LRRTM4: variants seen among roughly 807,000 people sequenced by gnomAD.
The protein encoded by LRRTM4 is leucine rich repeat transmembrane neuronal 4, also known as leucine-rich repeat transmembrane neuronal protein 4.
Under a neutral mutation model 47.6 loss-of-function variants are expected in LRRTM4, and 25 were observed. The observed-to-expected ratio is 0.53, with a 90% CI of 0.38 to 0.73. LRRTM4 has a LOEUF of 0.73. Among genes scored for constraint, LRRTM4 ranks in the 30% least tolerant of loss-of-function variants. The pLI is 0.00. For missense variants in LRRTM4, 638 were observed against 713.4 expected (o/e 0.89, Z 1.20); for synonymous variants, 311 against 269.5 (o/e 1.15, Z -1.51).
intron 3 of LRRTM4, among the ~76,000 whole-genome samples, chr2:77,158,533 T>C (rs1036925796): frequency 2.0e-5 from 3 of 152,198 alleles, no homozygotes; most frequent in African/African-American, 7.2e-5. Flanking sequence ...GCCTATTTTT[T>C]TACCTTTTTT....
intron 3 of LRRTM4, among the ~76,000 whole-genome samples, chr2:77,428,177 C>T (rs777542897): frequency 3.3e-5 from 5 of 152,178 alleles, no homozygotes; most frequent in Non-Finnish European, 7.3e-5. Flanking sequence ...GAGGCCTCTT[C>T]AGCCATGGGG....
intron 3 of LRRTM4, among the ~76,000 whole-genome samples, chr2:77,475,858 C>A (rs1677367086): frequency 6.6e-6 from 1 of 151,798 alleles, no homozygotes; most frequent in Non-Finnish European, 1.5e-5. Flanking sequence ...ATTTATATTT[C>A]TTTTTTCCCT....
chr2:77,022,647 C>A (rs1354605141), intron 3 of LRRTM4, among the ~76,000 whole-genome samples: 1 of 152,172 alleles, frequency 6.6e-6, no homozygotes, highest in African/African-American at 2.4e-5. Context: ...AGTTTGAAAT[C>A]CAGCAGGGCA....
intron 3 of LRRTM4, among the ~76,000 whole-genome samples, chr2:77,431,117 CTG>C (rs2103905469): frequency 1.3e-5 from 2 of 149,150 alleles, no homozygotes; most frequent in East Asian, 3.9e-4. Context: ...TCCAAGACAG[CTG>C]TAGTGAGACT....
intron 3 of LRRTM4, among the ~76,000 whole-genome samples, chr2:76,851,221 C>T (rs914570104): frequency 6.6e-6 from 1 of 152,182 alleles, no homozygotes; most frequent in African/African-American, 2.4e-5. Context: ...GAGCTCAAGG[C>T]TCACAGCATC....
At chr2:76,868,539 G>A (rs1672529870) in intron 3 of LRRTM4, among the ~76,000 whole-genome samples, 1 of 152,028 alleles carries the variant, frequency 6.6e-6, no homozygotes, top group Admixed American at 6.6e-5. Context: ...AATTTAACGG[G>A]GCTATTTTAG....
intron 3 of LRRTM4, among the ~76,000 whole-genome samples, chr2:76,913,736 G>A (rs1474386605): frequency 2.6e-5 from 4 of 151,720 alleles, no homozygotes; most frequent in African/African-American, 4.8e-5. Flanking sequence ...ATAGGGTTTC[G>A]CCATGTTGGT....
At chr2:76,861,805 C>T (rs1672321198) in intron 3 of LRRTM4, among the ~76,000 whole-genome samples, 2 of 152,142 alleles carry the variant, frequency 1.3e-5, no homozygotes, top group Admixed American at 6.6e-5. Flanking sequence ...CATTGAATTT[C>T]CCATGACATA....
chr2:76,891,312 A>G (rs1673247531), intron 3 of LRRTM4, among the ~76,000 whole-genome samples: 1 of 151,914 alleles, frequency 6.6e-6, no homozygotes, highest in African/African-American at 2.4e-5. Context: ...AAAAAGAATT[A>G]CCTGTTGTTA....
chr2:77,495,351 T>C (rs1037594602), intron 3 of LRRTM4, among the ~76,000 whole-genome samples: 7 of 152,086 alleles, frequency 4.6e-5, no homozygotes, highest in African/African-American at 1.7e-4. Flanking sequence ...CCATGGCTTA[T>C]ATTTTTATTT....
intron 3 of LRRTM4, among the ~76,000 whole-genome samples, chr2:77,429,925 G>A (rs1032702846): frequency 6.6e-6 from 1 of 152,066 alleles, no homozygotes; most frequent in African/African-American, 2.4e-5. Context: ...AATTAGCCAG[G>A]CATGGTGGCA....
At chr2:76,844,639 A>C (rs1334467854) in intron 3 of LRRTM4, among the ~76,000 whole-genome samples, 1 of 152,182 alleles carries the variant, frequency 6.6e-6, no homozygotes, top group African/African-American at 2.4e-5. Context: ...TCCAGTAATG[A>C]AATTTAAAAC....
chr2:77,264,495 G>T (rs1311966794), intron 3 of LRRTM4, among the ~76,000 whole-genome samples: 1 of 152,004 alleles, frequency 6.6e-6, no homozygotes, highest in Admixed American at 6.6e-5. Flanking sequence ...GGGGGTTAGG[G>T]CTTCAACTTA....
In LRRTM4 at chr2:76,764,513, C is replaced by A. The variant is rs191329675; in HGVS notation, c.1552-15597G>T. 1.2e-3 allele frequency among the ~76,000 whole-genome samples: 184 copies of A among 152,180 alleles called. 1 individual carries two copies. The highest frequency in any genetic ancestry group is 4.7e-3 in the East Asian group (24 of 5,160). On this transcript the variant is annotated intron_variant, in intron 3 of 3. Coordinates refer to ENST00000409884, the MANE Select transcript of LRRTM4 (RefSeq NM_001134745.3). ...GGGCGTGGTGGCGGGCGCCTATAGT[C>A]CCAGCTACTCCGGAGGCTGAGGCAG...
intron 3 of LRRTM4, among the ~76,000 whole-genome samples, chr2:76,858,656 A>G (rs369580861): frequency 2.8e-3 from 434 of 152,314 alleles, no homozygotes; most frequent in African/African-American, 1.0e-2. Context: ...AGTAATAAAT[A>G]GATATTTTAC....
chr2:77,142,237 T>G (rs1445801639), intron 3 of LRRTM4, among the ~76,000 whole-genome samples: 1 of 152,176 alleles, frequency 6.6e-6, no homozygotes, highest in Non-Finnish European at 1.5e-5. Context: ...TCAAATTGTT[T>G]TTCACCTTGT....
At chr2:77,073,765 C>A (rs151255817) in intron 3 of LRRTM4, among the ~76,000 whole-genome samples, 2,329 of 151,962 alleles carry the variant, frequency 0.015, 50 homozygotes, top group African/African-American at 0.053. Flanking sequence ...GTCTCTCTCT[C>A]TCTCTATATA....
At chr2:77,238,259 A>G (rs904636661) in intron 3 of LRRTM4, among the ~76,000 whole-genome samples, 3 of 152,164 alleles carry the variant, frequency 2.0e-5, no homozygotes, top group African/African-American at 7.2e-5. Flanking sequence ...TAAGCCTCTA[A>G]TATACAAATA....
intron 3 of LRRTM4, among the ~76,000 whole-genome samples, chr2:77,321,205 G>A (rs1264814667): frequency 6.6e-6 from 1 of 152,056 alleles, no homozygotes; most frequent in East Asian, 1.9e-4. Context: ...ATAGAAAAAT[G>A]TTTCTCTCTT....
Sources: allele counts gnomAD v4.1 joint callset (sites outside exome capture counted in the v4.1 genomes callset), GRCh38; gene constraint gnomAD v4.1.1; transcripts MANE v1.5; gene names NCBI Gene and HGNC (gene_info 2026-07-23, HGNC 2026-07-21).